The following APBA1 variants were observed in gnomAD, a reference collection of about 807,000 sequenced individuals.
The protein encoded by APBA1 is amyloid beta precursor protein binding family A member 1.
A neutral mutation model predicts 86.6 loss-of-function variants in APBA1; 55 were observed. That is an observed-to-expected ratio of 0.64 (90% confidence interval 0.51 to 0.80). The LOEUF (loss-of-function observed/expected upper bound fraction) is 0.80, where lower values mean the gene tolerates loss of function less well. APBA1 is among the 30% of genes least tolerant of loss of function. The probability of loss-of-function intolerance (pLI) is 0.00; values close to 1 mark genes in which losing one functional copy is unlikely to be tolerated. For missense variants in APBA1, 1,090 were observed against 1,183.0 expected (o/e 0.92, Z 1.15); for synonymous variants, 511 against 493.9 (o/e 1.03, Z -0.46).
At chr9:69,441,242 T>A in intron 10 of APBA1, 127 bp from the exon 11 acceptor site, 20 of 1,121,264 alleles carry the variant, frequency 1.8e-5, no homozygotes, top group Non-Finnish European at 2.5e-5. Context: ...CCTGCTTGCC[T>A]GCAGGCCTCT....
intron 10 of APBA1, among the ~76,000 whole-genome samples, chr9:69,447,417 C>T (rs1210163955): frequency 6.6e-6 from 1 of 152,198 alleles, no homozygotes; most frequent in Non-Finnish European, 1.5e-5. Context: ...AACCTCAGCA[C>T]TACCTACATT....
intron 1 of APBA1, among the ~76,000 whole-genome samples, chr9:69,588,540 T>C (rs971153070): frequency 7.8e-6 from 1 of 128,232 alleles, no homozygotes; most frequent in Non-Finnish European, 1.8e-5. Flanking sequence ...GTTGTGAAGA[T>C]GAGAAAAAAA....
At chr9:69,612,123 G>A (rs1004105822) in intron 1 of APBA1, among the ~76,000 whole-genome samples, 5 of 151,904 alleles carry the variant, frequency 3.3e-5, no homozygotes, top group African/African-American at 1.2e-4. Context: ...GACTAATATT[G>A]TTAGTTTAAT....
chr9:69,563,987 T>A (rs1311310635), intron 1 of APBA1, among the ~76,000 whole-genome samples: 2 of 152,168 alleles, frequency 1.3e-5, no homozygotes, highest in Admixed American at 6.5e-5. Context: ...GACCCCTTTT[T>A]CCGGTGGTGG....
intron 2 of APBA1, among the ~76,000 whole-genome samples, chr9:69,484,835 T>C (rs989274257): frequency 6.6e-6 from 1 of 152,134 alleles, no homozygotes; most frequent in Non-Finnish European, 1.5e-5. Context: ...TACAATGTTT[T>C]CCAGCTTGCA....
intron 2 of APBA1, among the ~76,000 whole-genome samples, chr9:69,514,770 C>T (rs1487206222): frequency 1.3e-5 from 2 of 151,188 alleles, no homozygotes; most frequent in South Asian, 2.1e-4. Context: ...ATTAGCTGGA[C>T]GTGGTGACAC....
rs578088528 is a variant in APBA1 at position 69,563,649 on chromosome 9, A to AT, written c.-69-46371dup. On this transcript the variant is annotated intron_variant, in intron 1 of 12. Transcript: ENST00000265381. Reference sequence around the variant, plus strand: ...TCAATGTACTGCTTACTTGGTTTTAATTTTTTTTTTTTAATTTGCTAGAGA... The same window carrying AT: ...TCAATGTACTGCTTACTTGGTTTTAATTTTTTTTTTTTTAATTTGCTAGAGA... Among the ~76,000 whole-genome samples the AT allele has an allele frequency of 1.0e-3, 152 of 147,716 alleles. 1 individual carries two copies. Among genetic ancestry groups the AT allele is most frequent in the South Asian group, 8.2e-3 (38 of 4,658 alleles).
intron 8 of APBA1, among the ~76,000 whole-genome samples, chr9:69,454,847 A>G (rs1835068818): frequency 6.6e-6 from 1 of 152,042 alleles, no homozygotes; most frequent in African/African-American, 2.4e-5. Context: ...CTCTTTTGGA[A>G]CTTTCTGAGA....
At chr9:69,645,466 C>T (rs1157763155) in intron 1 of APBA1, among the ~76,000 whole-genome samples, 2 of 152,212 alleles carry the variant, frequency 1.3e-5, no homozygotes, top group Non-Finnish European at 2.9e-5. Context: ...GCAAGTTCAC[C>T]ACTTTGTGAG....
At chr9:69,612,068 C>T (rs1822602395) in intron 1 of APBA1, among the ~76,000 whole-genome samples, 1 of 151,986 alleles carries the variant, frequency 6.6e-6, no homozygotes, top group Non-Finnish European at 1.5e-5. Flanking sequence ...ACTATAAATC[C>T]AACCTAAAAA....
intron 1 of APBA1, among the ~76,000 whole-genome samples, chr9:69,557,453 A>G (rs1836879981): frequency 6.6e-6 from 1 of 152,210 alleles, no homozygotes; most frequent in Non-Finnish European, 1.5e-5. Flanking sequence ...TTCATCACAG[A>G]ATCCATAAAC....
intron 1 of APBA1, among the ~76,000 whole-genome samples, chr9:69,637,662 C>A (rs1823208181): frequency 1.3e-5 from 2 of 152,226 alleles, no homozygotes; most frequent in Admixed American, 6.5e-5. Context: ...ATAACAAGCA[C>A]AACTTCTAAT....
chr9:69,515,675 T>G (rs1836124150), intron 2 of APBA1, among the ~76,000 whole-genome samples: 1 of 121,480 alleles, frequency 8.2e-6, no homozygotes, highest in Non-Finnish European at 1.7e-5. Flanking sequence ...ACTCCATACT[T>G]TCTGAATCAG....
intron 1 of APBA1, among the ~76,000 whole-genome samples, chr9:69,597,634 T>C (rs908093749): frequency 7.2e-5 from 11 of 152,380 alleles, no homozygotes; most frequent in African/African-American, 1.9e-4. Flanking sequence ...TCTAGGGTTT[T>C]TATGGTTTTA....
chr9:69,481,897 C>G (rs1042870031), intron 2 of APBA1, among the ~76,000 whole-genome samples: 2 of 151,870 alleles, frequency 1.3e-5, no homozygotes, highest in African/African-American at 4.8e-5. Flanking sequence ...ATAAATAGTG[C>G]TGGGAAAACT....
At chr9:69,497,358 C>T (rs1036645476) in intron 2 of APBA1, among the ~76,000 whole-genome samples, 4 of 152,056 alleles carry the variant, frequency 2.6e-5, no homozygotes, top group African/African-American at 9.7e-5. Flanking sequence ...CCCTACACCA[C>T]CAAGACCCCT....
At chr9:69,552,815 T>C (rs541495381) in intron 1 of APBA1, among the ~76,000 whole-genome samples, 1 of 152,154 alleles carries the variant, frequency 6.6e-6, no homozygotes, top group African/African-American at 2.4e-5. Context: ...TTATAAAATG[T>C]AAACCCTAGA....
rs781678474 is a variant in APBA1 at position 69,467,914 on chromosome 9, T to C, written c.1391A>G (p.Asn464Ser). Residue 464 changes from asparagine to serine, a missense_variant, in exon 5 of 13, where the codon AAT (asparagine) becomes AGT (serine). Physicochemically the swap from Asn to Ser is conservative, Grantham distance 46. This residue lies in a region of APBA1 where 76 missense variants were observed against 122.2 expected (regional missense o/e 0.62). Coordinates refer to ENST00000265381, the MANE Select transcript of APBA1 (RefSeq NM_001163.4). ...GAGCAGCTGAGTGGAGCCAAGGTAA[T>C]TGGCGGCAAAAATGATTCCATCGAT... Reference protein sequence around the residue: ...DLIDGIIFAANYLGSTQLLSD... With the variant: ...DLIDGIIFAASYLGSTQLLSD... 6 of 1,614,008 alleles carry C rather than the reference T, an allele frequency of 3.7e-6. No individual in the cohort carries two copies. Among genetic ancestry groups the C allele is most frequent in the African/African-American group, 2.7e-5 (2 of 74,894 alleles).
intron 2 of APBA1, among the ~76,000 whole-genome samples, chr9:69,515,702 G>T (rs1400592922): frequency 2.8e-5 from 3 of 107,566 alleles, no homozygotes; most frequent in East Asian, 9.1e-4. Flanking sequence ...GGGGGGGGGG[G>T]GGCGGGGGGT....
Sources: gnomAD v4.1 joint callset for allele counts (sites outside exome capture counted in the v4.1 genomes callset) on GRCh38, gnomAD v4.1.1 for gene constraint, gnomAD v4.1.1 regional missense constraint, MANE v1.5 for transcripts, NCBI Gene and HGNC (gene_info 2026-07-23, HGNC 2026-07-21) for gene names.